Variants in NR5A2 observed in about 807,000 individuals in gnomAD.
NR5A2 encodes nuclear receptor subfamily 5 group A member 2.
Under a neutral mutation model 62.7 loss-of-function variants are expected in NR5A2, and 26 were observed. The ratio of observed to expected loss-of-function variants is 0.41; its 90% CI spans 0.30 to 0.58. The LOEUF (loss-of-function observed/expected upper bound fraction) is 0.58. NR5A2 is among the 20% of genes least tolerant of loss of function. NR5A2 has a pLI of 0.22. For synonymous variants in NR5A2, 246 were observed against 241.7 expected (o/e 1.02, Z -0.16); for missense variants, 541 against 669.1 (o/e 0.81, Z 2.11).
At chr1:200,116,960 TCTA>T (rs1666250002) in intron 6 of NR5A2, among the ~76,000 whole-genome samples, 1 of 152,210 alleles carries the variant, frequency 6.6e-6, no homozygotes, top group African/African-American at 2.4e-5. Context: ...CTTATTATCT[TCTA>T]TTATTGTGTA....
intron 5 of NR5A2, among the ~76,000 whole-genome samples, chr1:200,088,190 C>T (rs146223903): frequency 6.6e-6 from 1 of 152,276 alleles, no homozygotes; most frequent in Non-Finnish European, 1.5e-5. Context: ...GAGGCGTGAG[C>T]CATGGTGCCC....
chr1:200,103,122 CTTTTTTTT>C (rs10655211), intron 5 of NR5A2, among the ~76,000 whole-genome samples: 99 of 106,642 alleles, frequency 9.3e-4, no homozygotes, highest in Non-Finnish European at 1.3e-3. Flanking sequence ...ATGTAAAACT[CTTTTTTTT>C]TTTTTTTTTT....
intron 1 of NR5A2, among the ~76,000 whole-genome samples, chr1:200,030,879 C>T (rs1661523043): frequency 6.6e-6 from 1 of 152,206 alleles, no homozygotes; most frequent in African/African-American, 2.4e-5. Context: ...GTGAGTCTTG[C>T]TATCTGGTCC....
At chr1:200,111,478 G>C (rs1245926860) in intron 6 of NR5A2, among the ~76,000 whole-genome samples, 157 bp downstream of exon 6, 2 of 152,192 alleles carry the variant, frequency 1.3e-5, no homozygotes, top group African/African-American at 4.8e-5. Context: ...CTCTGTTCCT[G>C]CTCTGATTAT....
intron 7 of NR5A2, among the ~76,000 whole-genome samples, chr1:200,162,735 A>G (rs894576394): frequency 5.9e-5 from 9 of 152,118 alleles, no homozygotes; most frequent in African/African-American, 2.2e-4. Context: ...AAAGAAGAGG[A>G]GAGGGAGGAG....
At chr1:200,134,468 T>C (rs936010706) in intron 7 of NR5A2, among the ~76,000 whole-genome samples, 1 of 152,252 alleles carries the variant, frequency 6.6e-6, no homozygotes, top group Non-Finnish European at 1.5e-5. Context: ...CGATATTCAG[T>C]ACAGTGACAC....
intron 5 of NR5A2, among the ~76,000 whole-genome samples, chr1:200,083,967 A>AAATAAT (rs149200240): frequency 0.088 from 12,501 of 142,590 alleles, 568 homozygotes; most frequent in Middle Eastern, 0.13. Flanking sequence ...CTCCATCTCA[A>AAATAAT]AATAATAATA....
intron 7 of NR5A2, among the ~76,000 whole-genome samples, chr1:200,138,242 C>T (rs1179557352): frequency 6.6e-6 from 1 of 152,162 alleles, no homozygotes; most frequent in Non-Finnish European, 1.5e-5. Flanking sequence ...ACTTGCAACT[C>T]TAGAAACTGT....
rs1488980331 is a variant in NR5A2 at position 200,123,786 on chromosome 1, GT to G, written c.1378+2832del. 1.7e-4 allele frequency among the ~76,000 whole-genome samples: 23 copies of G among 137,920 alleles called. No homozygotes were observed. In the South Asian group the frequency reaches 5.1e-3, roughly 31 times the overall value. The allele number at this position is 137,920 out of a possible 152,430, so 90.5% of individuals were successfully genotyped here. ...TTTTTGCTTTTATTCCTGGCATGCT[GT>G]GATTTATTTTTAGAGGTGGTTTTTT... On this transcript the variant is annotated intron_variant, in intron 7 of 7. Transcript: ENST00000367362.
intron 5 of NR5A2, 57 bp from the exon 6 acceptor site, chr1:200,111,145 T>C: frequency 6.3e-7 from 1 of 1,578,620 alleles, no homozygotes; most frequent in Non-Finnish European, 8.6e-7. Flanking sequence ...AAAAAAGTAG[T>C]GAATAACAGT....
At chr1:200,095,067 T>C (rs565800651) in intron 5 of NR5A2, among the ~76,000 whole-genome samples, 1 of 151,756 alleles carries the variant, frequency 6.6e-6, no homozygotes, top group African/African-American at 2.4e-5. Flanking sequence ...ATGGTCACAA[T>C]GAGGAAGAGG....
chr1:200,114,037 G>A (rs572971654), intron 6 of NR5A2, among the ~76,000 whole-genome samples: 2 of 152,126 alleles, frequency 1.3e-5, no homozygotes, highest in East Asian at 3.9e-4. Context: ...AAAAAAATTA[G>A]CCTGGCATGG....
At chr1:200,169,698 C>T (rs1654082789) in intron 7 of NR5A2, among the ~76,000 whole-genome samples, 1 of 152,186 alleles carries the variant, frequency 6.6e-6, no homozygotes, top group African/African-American at 2.4e-5. Flanking sequence ...CAGATTGATA[C>T]TAAGAGAAGC....
At chr1:200,092,998 C>T (rs1311620678) in intron 5 of NR5A2, among the ~76,000 whole-genome samples, 1 of 151,120 alleles carries the variant, frequency 6.6e-6, no homozygotes, top group Non-Finnish European at 1.5e-5. Context: ...ATTCTCCTGC[C>T]TCAGCCTCCT....
intron 7 of NR5A2, among the ~76,000 whole-genome samples, chr1:200,153,540 G>A (rs1323952354): frequency 6.6e-6 from 1 of 152,074 alleles, no homozygotes; most frequent in Admixed American, 6.6e-5. Flanking sequence ...AAGCCCTATA[G>A]GGTCAAAATG....
Position 200,050,789 on chromosome 1 carries a change from G to A in NR5A2, c.1110+1971G>A, listed in dbSNP as rs565913411. On this transcript the variant is annotated intron_variant, in intron 5 of 7. Transcript: ENST00000367362. ...TGCCTGTAATCCCAGCTTCTAGGGAGGCTGAGACAGGAGAATTGCTTGAAC... is the reference window on the plus strand; with the variant it reads ...TGCCTGTAATCCCAGCTTCTAGGGAAGCTGAGACAGGAGAATTGCTTGAAC... Among the ~76,000 whole-genome samples, 475 of 152,334 alleles carry A rather than the reference G, an allele frequency of 3.1e-3. 5 individuals are homozygous for A. The highest frequency in any genetic ancestry group is 0.01 in the African/African-American group (421 of 41,568).
chr1:200,119,698 C>T (rs2102308453), intron 6 of NR5A2, among the ~76,000 whole-genome samples: 1 of 152,246 alleles, frequency 6.6e-6, no homozygotes, highest in Non-Finnish European at 1.5e-5. Context: ...ACGATCTTGG[C>T]TCACTGCAAC....
intron 5 of NR5A2, among the ~76,000 whole-genome samples, chr1:200,082,345 TC>T (rs1279995535): frequency 1.3e-5 from 2 of 152,310 alleles, no homozygotes; most frequent in South Asian, 4.1e-4. Flanking sequence ...TTCTAAAAGT[TC>T]CTTGAAGAAC....
At chr1:200,054,181 T>A (rs1448683552) in intron 5 of NR5A2, 1 of 152,184 alleles carries the variant, frequency 6.6e-6, no homozygotes. Context: ...CACAGGATGG[T>A]AACCGGGTGA....
Sources: gnomAD v4.1 joint callset for allele counts (sites outside exome capture counted in the v4.1 genomes callset) on GRCh38, gnomAD v4.1.1 for gene constraint, MANE v1.5 for transcripts, NCBI Gene and HGNC (gene_info 2026-07-23, HGNC 2026-07-21) for gene names.